Variants in KCNMA1 observed in about 807,000 individuals in gnomAD.
The protein encoded by KCNMA1 is Calcium-activated potassium channel subunit alpha-1.
In KCNMA1, 29 loss-of-function variants were observed where a neutral mutation model predicts 140.0. The ratio of observed to expected loss-of-function variants is 0.21; its 90% CI spans 0.15 to 0.28. The LOEUF (loss-of-function observed/expected upper bound fraction) is 0.28, where lower values mean the gene tolerates loss of function less well. KCNMA1 is among the 10% of genes least tolerant of loss of function. KCNMA1 has a pLI of 1.00. For missense variants in KCNMA1, 880 were observed against 1,602.2 expected, an observed-to-expected ratio of 0.55 and a Z score of 7.70; for synonymous variants, 612 against 611.9, an observed-to-expected ratio of 1.00 and a Z score of 0.00.
chr10:77,270,796 G>A (rs766553605), intron 2 of KCNMA1, among the ~76,000 whole-genome samples: 5 of 151,720 alleles, frequency 3.3e-5, no homozygotes, highest in East Asian at 1.9e-4. Flanking sequence ...TGGCCCAAGC[G>A]CTCTTTTTAG....
intron 24 of KCNMA1, chr10:76,910,535 G>A (rs575293857): frequency 6.3e-5 from 18 of 286,154 alleles, no homozygotes; most frequent in East Asian, 1.7e-4. Flanking sequence ...AGTAAAGAGC[G>A]CTGGAAGGGG....
At chr10:77,103,477 G>A (rs932167311) in intron 9 of KCNMA1, among the ~76,000 whole-genome samples, 1 of 152,206 alleles carries the variant, frequency 6.6e-6, no homozygotes, top group African/African-American at 2.4e-5. Context: ...TAACTAAGGA[G>A]TGAAAGGGAA....
chr10:76,970,340 A>G (rs2075701261), intron 19 of KCNMA1: 2 of 396,788 alleles, frequency 5.0e-6, no homozygotes, highest in East Asian at 4.6e-5. Context: ...AAAAAAAAAA[A>G]AAAAAAAGAA....
At chr10:77,574,103 TG>T (rs1353187106) in intron 1 of KCNMA1, among the ~76,000 whole-genome samples, 4 of 152,292 alleles carry the variant, frequency 2.6e-5, no homozygotes, top group African/African-American at 4.8e-5. Context: ...CCAAAAGTGC[TG>T]GGATTACAGG....
At chr10:77,122,931 C>T (rs2097648535) in intron 5 of KCNMA1, among the ~76,000 whole-genome samples, 1 of 152,030 alleles carries the variant, frequency 6.6e-6, no homozygotes, top group South Asian at 2.1e-4. Context: ...GTAATCCCAG[C>T]ACTTTGGGAG....
chr10:77,280,432 G>GA (rs2068089327), intron 2 of KCNMA1, among the ~76,000 whole-genome samples: 2 of 152,134 alleles, frequency 1.3e-5, no homozygotes, highest in Admixed American at 6.5e-5. Flanking sequence ...TGCCTTTGTG[G>GA]AAAAAAACAG....
intron 3 of KCNMA1, among the ~76,000 whole-genome samples, chr10:77,206,816 A>AGGGGGGGGGGGGGG (rs202180223): frequency 2.5e-4 from 12 of 48,624 alleles, no homozygotes; most frequent in Non-Finnish European, 3.0e-4. Flanking sequence ...GCAGGGAGGG[A>AGGGGGGGGGGGGGG]GGGGGGGGCG....
chr10:76,990,825 T>TCAAATG (rs1464742476), intron 19 of KCNMA1, among the ~76,000 whole-genome samples: 4 of 152,160 alleles, frequency 2.6e-5, no homozygotes, highest in African/African-American at 7.2e-5. Context: ...AGAGAGCATT[T>TCAAATG]CAGAACCATT....
intron 2 of KCNMA1, among the ~76,000 whole-genome samples, chr10:77,283,994 T>A (rs2069684937): frequency 6.6e-6 from 1 of 151,864 alleles, no homozygotes; most frequent in African/African-American, 2.4e-5. Context: ...GGGAAAGGGA[T>A]GGGAAGAAGA....
chr10:77,120,501 C>T (rs904492861), intron 6 of KCNMA1, among the ~76,000 whole-genome samples: 2 of 152,120 alleles, frequency 1.3e-5, no homozygotes, highest in Admixed American at 6.5e-5. Context: ...TTCTGTTTGC[C>T]GTATGAGGTT....
intron 5 of KCNMA1, among the ~76,000 whole-genome samples, chr10:77,155,793 C>T (rs567707376): frequency 2.8e-3 from 424 of 152,188 alleles, no homozygotes; most frequent in Non-Finnish European, 4.1e-3. Flanking sequence ...AAAGCTATAG[C>T]CTCAGAAGAG....
At chr10:77,599,228 C>T (rs1305978648) in intron 1 of KCNMA1, among the ~76,000 whole-genome samples, 1 of 152,210 alleles carries the variant, frequency 6.6e-6, no homozygotes, top group East Asian at 1.9e-4. Flanking sequence ...CCACACGGAG[C>T]CTTGGTTTCC....
intron 5 of KCNMA1, among the ~76,000 whole-genome samples, chr10:77,158,581 C>A (rs540844931): frequency 3.2e-4 from 49 of 152,286 alleles, no homozygotes; most frequent in South Asian, 8.3e-4. Flanking sequence ...CTCCTCTCCC[C>A]TCTCTAGCTC....
downstream of KCNMA1, chr10:76,877,673 G>A: frequency 1.4e-6 from 2 of 1,475,870 alleles, no homozygotes; most frequent in Non-Finnish European, 1.8e-6. Flanking sequence ...CATGTAAGAA[G>A]AAAAGTCACA....
intron 5 of KCNMA1, among the ~76,000 whole-genome samples, chr10:77,163,847 C>T (rs1403282860): frequency 2.0e-5 from 3 of 152,168 alleles, no homozygotes; most frequent in African/African-American, 7.2e-5. Flanking sequence ...TTAGAATGAC[C>T]TGTGACATGT....
intron 1 of KCNMA1, among the ~76,000 whole-genome samples, chr10:77,564,333 G>T (rs1419385581): frequency 2.6e-5 from 4 of 152,186 alleles, no homozygotes; most frequent in Non-Finnish European, 5.9e-5. Context: ...AGCACTTTGG[G>T]AGGCCGAGGC....
rs74681407 is a variant in KCNMA1 at position 76,986,341 on chromosome 10, G to C, written c.2266+15066C>G. Among the ~76,000 whole-genome samples the C allele has an allele frequency of 5.9e-3, 904 of 152,300 alleles. 8 individuals are homozygous for C. The highest frequency in any genetic ancestry group is 0.021 in the African/African-American group (853 of 41,562). On this transcript the variant is annotated intron_variant, in intron 19 of 27. Coordinates refer to ENST00000286628, the MANE Select transcript of KCNMA1 (RefSeq NM_001161352.2). ...CTCTTTACATTCAATTCTTCCATCT[G>C]TCTAAGCTGGGTAAGGCACATGTGT...
intron 1 of KCNMA1, among the ~76,000 whole-genome samples, chr10:77,603,158 A>G (rs1461851295): frequency 2.0e-5 from 3 of 152,166 alleles, no homozygotes; most frequent in Non-Finnish European, 4.4e-5. Flanking sequence ...ACAGAGCAAA[A>G]AATAGGATTC....
chr10:77,066,418 G>T (rs1565879620), intron 14 of KCNMA1, among the ~76,000 whole-genome samples: 1 of 152,162 alleles, frequency 6.6e-6, no homozygotes, highest in Non-Finnish European at 1.5e-5. Context: ...TTTAGTTTCA[G>T]CCATGGGAAG....
Sources: gnomAD v4.1 joint callset for allele counts (sites outside exome capture counted in the v4.1 genomes callset) on GRCh38, gnomAD v4.1.1 for gene constraint, MANE v1.5 for transcripts, NCBI Gene and HGNC (gene_info 2026-07-23, HGNC 2026-07-21) for gene names.